Variants in CREB5 observed in about 807,000 individuals in gnomAD.
CREB5 encodes the protein cyclic AMP-responsive element-binding protein 5.
Under a neutral mutation model 57.1 loss-of-function variants are expected in CREB5, and 19 were observed. That is an observed-to-expected ratio of 0.33 (90% CI 0.23 to 0.49). CREB5 has a LOEUF of 0.49. Ranked by LOEUF, CREB5 falls within the 20% of genes least tolerant of loss-of-function variation. The probability of loss-of-function intolerance (pLI) is 0.99; values close to 1 mark genes in which losing one functional copy is unlikely to be tolerated. For synonymous variants in CREB5, 238 were observed against 238.3 expected, an observed-to-expected ratio of 1.00 and a Z score of 0.01; for missense variants, 579 against 671.6, an observed-to-expected ratio of 0.86 and a Z score of 1.52.
intron 4 of CREB5, among the ~76,000 whole-genome samples, chr7:28,538,343 C>T (rs1195884351): frequency 1.3e-5 from 2 of 152,170 alleles, no homozygotes; most frequent in African/African-American, 2.4e-5. Flanking sequence ...CGTGAGCCAC[C>T]GTGCCTGGCC....
chr7:28,409,097 CCGTGTCA>C (rs1787658702), upstream of CREB5, among the ~76,000 whole-genome samples: 1 of 151,922 alleles, frequency 6.6e-6, no homozygotes, highest in Admixed American at 6.5e-5. The surrounding 1 kb of genome is among the most constrained non-coding windows in gnomAD (Gnocchi z 4.4). Context: ...TGTCAGGGAG[CCGTGTCA>C]CACGGCGCTG....
intron 5 of CREB5, among the ~76,000 whole-genome samples, chr7:28,706,157 C>T (rs1802095741): frequency 6.6e-6 from 1 of 152,140 alleles, no homozygotes; most frequent in South Asian, 2.1e-4. Flanking sequence ...GAGTTCGAGA[C>T]CAGCTCGGCC....
chr7:28,554,152 C>G (rs1794774525), intron 4 of CREB5, among the ~76,000 whole-genome samples: 1 of 152,170 alleles, frequency 6.6e-6, no homozygotes, highest in South Asian at 2.1e-4. Context: ...TCTCTAAAAT[C>G]ACCCATCGTC....
chr7:28,405,864 G>C (rs1405237364), intron 1 of CREB5, among the ~76,000 whole-genome samples: 3 of 152,118 alleles, frequency 2.0e-5, no homozygotes, highest in Non-Finnish European at 2.9e-5. Context: ...GTGTGGTGGT[G>C]GTAGGTGGGG....
intron 1 of CREB5, among the ~76,000 whole-genome samples, chr7:28,390,386 C>T (rs992812224): frequency 6.6e-6 from 1 of 152,168 alleles, no homozygotes; most frequent in South Asian, 2.1e-4. Context: ...CATTATTTCA[C>T]TCTTTTTAAA....
intron 1 of CREB5, among the ~76,000 whole-genome samples, chr7:28,364,751 C>G (rs1310365694): frequency 6.6e-6 from 1 of 152,214 alleles, no homozygotes; most frequent in East Asian, 1.9e-4. Context: ...TTCTCTTATG[C>G]TCCTTATGCC....
At chr7:28,753,265 C>CA (rs1805087083) in intron 7 of CREB5, among the ~76,000 whole-genome samples, 1 of 152,084 alleles carries the variant, frequency 6.6e-6, no homozygotes, top group African/African-American at 2.4e-5. Context: ...TTCATGTTTT[C>CA]AAAAACAAAT....
intron 5 of CREB5, among the ~76,000 whole-genome samples, chr7:28,707,458 C>T (rs533367242): frequency 1.3e-5 from 2 of 152,268 alleles, no homozygotes; most frequent in South Asian, 2.1e-4. Context: ...AGCCAGGAGG[C>T]GGCCAAAAGC....
intron 5 of CREB5, among the ~76,000 whole-genome samples, chr7:28,682,955 G>A (rs1365500637): frequency 6.6e-6 from 1 of 152,214 alleles, no homozygotes; most frequent in Non-Finnish European, 1.5e-5. Flanking sequence ...GGGGCTGGGA[G>A]TGTGTGAGTG....
Position 28,304,499 on chromosome 7 carries a change from C to A in CREB5, c.-25+5058C>A, listed in dbSNP as rs147404057. Among the ~76,000 whole-genome samples the A allele has an allele frequency of 2.5e-4, 38 of 152,258 alleles. No individual in the cohort carries two copies. The East Asian group carries it at 6.9e-3, about 28-fold the overall frequency. On this transcript the variant is annotated intron_variant, in intron 1 of 9. Coordinates refer to the CREB5 transcript ENST00000396299. ...GATGGAAGGAAAAGCACTTTCTTAG[C>A]CTGCTGGTGGGAGTATTTGTTGATT...
chr7:28,381,186 A>G (rs553026267), intron 1 of CREB5, among the ~76,000 whole-genome samples: 12 of 152,324 alleles, frequency 7.9e-5, no homozygotes, highest in Middle Eastern at 3.4e-3. Context: ...GATTAGGGTG[A>G]ACATGACTTA....
At chr7:28,685,022 T>C (rs1418732578) in intron 5 of CREB5, among the ~76,000 whole-genome samples, 2 of 152,128 alleles carry the variant, frequency 1.3e-5, no homozygotes, top group Non-Finnish European at 2.9e-5. Context: ...TGAAGGATCA[T>C]GCTTGACTGC....
chr7:28,644,334 C>T (rs1011120194), intron 5 of CREB5, among the ~76,000 whole-genome samples: 2 of 152,126 alleles, frequency 1.3e-5, no homozygotes, highest in African/African-American at 2.4e-5. Context: ...ACCCTTTTGT[C>T]ATTGCCCTTC....
At chr7:28,636,582 T>A (rs960579027) in intron 5 of CREB5, among the ~76,000 whole-genome samples, 1 of 152,204 alleles carries the variant, frequency 6.6e-6, no homozygotes, top group Non-Finnish European at 1.5e-5. Flanking sequence ...AACTCCATGA[T>A]GATTGATAGA....
At chr7:28,570,200 G>A (rs944324158) in intron 4 of CREB5, among the ~76,000 whole-genome samples, 165 bp from the exon 5 acceptor site, 20 of 152,148 alleles carry the variant, frequency 1.3e-4, no homozygotes, top group African/African-American at 2.2e-4. Context: ...TCATCTCCTC[G>A]TAGCTGTATG....
intron 5 of CREB5, among the ~76,000 whole-genome samples, chr7:28,715,798 A>G (rs1403206353): frequency 6.6e-6 from 1 of 152,228 alleles, no homozygotes; most frequent in African/African-American, 2.4e-5. Context: ...ATCCAAACAT[A>G]TAGGGATCTC....
rs181966192 is a variant in CREB5, at chr7:28,534,871, C to A, written c.291+27134C>A. Reference sequence around the variant, plus strand: ...AAAGTGACTTTCTCAGGGTAACAGGCCTTCTAAGTGAGAAAGCCCAGGTTT... The same window carrying A: ...AAAGTGACTTTCTCAGGGTAACAGGACTTCTAAGTGAGAAAGCCCAGGTTT... On this transcript the variant is annotated intron_variant, in intron 4 of 10. Transcript: ENST00000357727. Among the ~76,000 whole-genome samples, 5 of 141,816 alleles carry A rather than the reference C, an allele frequency of 3.5e-5. 1 individual carries two copies. Among genetic ancestry groups the A allele is most frequent in the African/African-American group, 7.8e-5 (3 of 38,640 alleles). The allele number at this position is 141,816 out of a possible 152,430, so 93.0% of individuals were successfully genotyped here.
chr7:28,570,612 T>A, intron 5 of CREB5, 75 bp downstream of exon 5: 1 of 1,528,216 alleles, frequency 6.5e-7, no homozygotes, highest in Non-Finnish European at 8.9e-7. Flanking sequence ...TCCTGGTTTC[T>A]GGTGCTCAGA....
At chr7:28,700,895 G>A (rs1339542989) in intron 5 of CREB5, among the ~76,000 whole-genome samples, 9 of 150,940 alleles carry the variant, frequency 6.0e-5, no homozygotes, top group Non-Finnish European at 1.3e-4. Context: ...GTCATTTTCT[G>A]AGTCATCTAA....
Sources: allele counts gnomAD v4.1 joint callset (sites outside exome capture counted in the v4.1 genomes callset), GRCh38; gene constraint gnomAD v4.1.1; non-coding constraint Gnocchi (gnomAD v3.1); transcripts MANE v1.5; gene names NCBI Gene and HGNC (gene_info 2026-07-23, HGNC 2026-07-21).